SLC35D4: variants seen among roughly 807,000 people sequenced by gnomAD.
SLC35D4 encodes the protein solute carrier family 35 member D4.
At chr18:23,350,179 C>T in the SLC35D4 span, among the ~76,000 whole-genome samples, 2 of 152,326 alleles carry the variant, frequency 1.3e-5, no homozygotes, top group South Asian at 4.1e-4. Context: ...AGTGATTTTC[C>T]TGAACTAAAT....
the SLC35D4 span, among the ~76,000 whole-genome samples, chr18:23,375,175 G>C: frequency 6.6e-6 from 1 of 151,336 alleles, no homozygotes; most frequent in Non-Finnish European, 1.5e-5. Flanking sequence ...ATTGTGGCCA[G>C]ATAATAAGTG....
chr18:23,262,195 C>G, the SLC35D4 span, among the ~76,000 whole-genome samples: 1 of 152,148 alleles, frequency 6.6e-6, no homozygotes, highest in Non-Finnish European at 1.5e-5. Context: ...CATGTGTTTA[C>G]CTAGCTGCTT....
At chr18:23,356,748 G>A in the SLC35D4 span, 373 of 1,270,716 alleles carry the variant, frequency 2.9e-4, 1 homozygote, top group Admixed American at 8.0e-4. This position sits in a 1 kb window ranked among gnomAD's most constrained non-coding sequence, Gnocchi z 4.1. Flanking sequence ...TGCAAGGAAG[G>A]CGTCTTTAGC....
chr18:23,370,848 G>A, the SLC35D4 span, among the ~76,000 whole-genome samples: 2 of 152,114 alleles, frequency 1.3e-5, no homozygotes, highest in African/African-American at 2.4e-5. Flanking sequence ...GAAACCCCAA[G>A]CCACAGTGAG....
the SLC35D4 span, among the ~76,000 whole-genome samples, chr18:23,414,022 C>T: frequency 8.0e-5 from 12 of 149,568 alleles, no homozygotes; most frequent in African/African-American, 2.7e-4. Flanking sequence ...TTTGGGAGGC[C>T]GAGGCAGGTG....
chr18:23,345,929 T>C, the SLC35D4 span, among the ~76,000 whole-genome samples: 1 of 152,188 alleles, frequency 6.6e-6, no homozygotes, highest in Admixed American at 6.5e-5. Context: ...GTGAATGGAA[T>C]TGTTTTCTTA....
the SLC35D4 span, among the ~76,000 whole-genome samples, chr18:23,252,340 C>T: frequency 3.3e-5 from 5 of 152,120 alleles, no homozygotes; most frequent in African/African-American, 9.7e-5. Flanking sequence ...CTGAATGGTA[C>T]GCCTAGAAAT....
At chr18:23,429,979 T>C in the SLC35D4 span, among the ~76,000 whole-genome samples, 3 of 152,232 alleles carry the variant, frequency 2.0e-5, no homozygotes, top group Non-Finnish European at 2.9e-5. Flanking sequence ...CTGTTAATAG[T>C]TTCTTTTGCT....
the SLC35D4 span, among the ~76,000 whole-genome samples, chr18:23,308,848 T>TTCTCTCTCTCTCTCTCTCTC: frequency 1.4e-5 from 2 of 140,270 alleles, no homozygotes; most frequent in African/African-American, 5.4e-5. Flanking sequence ...AGCACGTGTT[T>TTCTCTCTCTCTCTCTCTCTC]TCTCTCTCTC....
At chr18:23,254,613 CAT>C in the SLC35D4 span, among the ~76,000 whole-genome samples, 1 of 152,154 alleles carries the variant, frequency 6.6e-6, no homozygotes, top group Non-Finnish European at 1.5e-5. Flanking sequence ...ATGTATTTCT[CAT>C]AGTTTTGGAG....
the SLC35D4 span, among the ~76,000 whole-genome samples, chr18:23,316,553 T>C: frequency 6.6e-6 from 1 of 152,248 alleles, no homozygotes; most frequent in Non-Finnish European, 1.5e-5. Flanking sequence ...GGCATGGCTA[T>C]TAACAGTATT....
the SLC35D4 span, chr18:23,368,623 A>G: frequency 1.4e-5 from 12 of 841,078 alleles, no homozygotes; most frequent in Middle Eastern, 6.9e-4. Flanking sequence ...TGGCAGGCAC[A>G]TTGGCTCAGA....
the SLC35D4 span, among the ~76,000 whole-genome samples, chr18:23,387,530 A>G: frequency 3.9e-5 from 6 of 152,162 alleles, no homozygotes; most frequent in African/African-American, 1.2e-4. Flanking sequence ...ACCTGGGTAA[A>G]CTGCTCCAGT....
At chr18:23,368,721 A>G in the SLC35D4 span, 1 of 1,416,710 alleles carries the variant, frequency 7.1e-7, no homozygotes, top group Non-Finnish European at 9.8e-7. Context: ...TTACCTGAAT[A>G]TATAGTTTAA....
the SLC35D4 span, among the ~76,000 whole-genome samples, chr18:23,380,920 C>A: frequency 8.5e-5 from 13 of 152,104 alleles, no homozygotes; most frequent in East Asian, 2.5e-3. Flanking sequence ...ACAAGGAGGT[C>A]AACTTTTACT....
chr18:23,384,001 T>TGGG, the SLC35D4 span, among the ~76,000 whole-genome samples: 414 of 37,414 alleles, frequency 0.011, 23 homozygotes, highest in East Asian at 0.015. Flanking sequence ...TTCCAAAAAT[T>TGGG]GGGGGGGGGG....
At chr18:23,294,087 G>T in the SLC35D4 span, among the ~76,000 whole-genome samples, 2 of 152,108 alleles carry the variant, frequency 1.3e-5, no homozygotes, top group South Asian at 2.1e-4. Context: ...TTGAGCCACC[G>T]TGACTGGCCC....
At chr18:23,327,527 A>G in the SLC35D4 span, among the ~76,000 whole-genome samples, 7 of 152,216 alleles carry the variant, frequency 4.6e-5, no homozygotes, top group Admixed American at 1.3e-4. Flanking sequence ...GAATAGACCA[A>G]TAACAGGCTC....
chr18:23,324,351 T>C, the SLC35D4 span, among the ~76,000 whole-genome samples: 4 of 152,212 alleles, frequency 2.6e-5, no homozygotes, highest in Non-Finnish European at 5.9e-5. Flanking sequence ...GTCTGTGATA[T>C]TTTGTCATGG....
Sources: gnomAD v4.1 joint callset for allele counts (sites outside exome capture counted in the v4.1 genomes callset) on GRCh38, gnomAD v4.1.1 for gene constraint, Gnocchi (gnomAD v3.1) non-coding constraint, MANE v1.5 for transcripts, NCBI Gene and HGNC (gene_info 2026-07-23, HGNC 2026-07-21) for gene names.